Variants in MRC1 observed in about 807,000 individuals in gnomAD.
MRC1 encodes macrophage mannose receptor 1.
MRC1 carries 62 observed loss-of-function variants against 102.9 expected under a neutral mutation model. The observed-to-expected ratio is 0.60, with a 90% CI of 0.49 to 0.74. MRC1 has a LOEUF of 0.74. Ranked by LOEUF, MRC1 falls within the 30% of genes least tolerant of loss-of-function variation. The probability of loss-of-function intolerance (pLI) is 0.00; values close to 1 mark genes in which losing one functional copy is unlikely to be tolerated. For synonymous variants in MRC1, 457 were observed against 298.4 expected (o/e 1.53, Z -5.48); for missense variants, 1,237 against 862.8 (o/e 1.43, Z -5.43).
chr10:17,882,436 G>C (rs1281676865), intron 21 of MRC1, among the ~76,000 whole-genome samples: 4 of 152,076 alleles, frequency 2.6e-5, no homozygotes, highest in African/African-American at 9.7e-5. Flanking sequence ...CTCAACAGTT[G>C]TTTGTTGTAT....
At chr10:17,811,345 A>T (rs1838218260) in intron 1 of MRC1, among the ~76,000 whole-genome samples, 1 of 152,026 alleles carries the variant, frequency 6.6e-6, no homozygotes, top group South Asian at 2.1e-4. Flanking sequence ...TGACTCAATA[A>T]TGCTTTGAGC....
At chr10:17,857,236 CTTCAG>C (rs1833105706) in intron 9 of MRC1, among the ~76,000 whole-genome samples, 1 of 152,160 alleles carries the variant, frequency 6.6e-6, no homozygotes, top group East Asian at 1.9e-4. Flanking sequence ...ATTCTGGAAA[CTTCAG>C]TTCAGAGAAG....
In MRC1 at chr10:17,881,067, T is replaced by C; in HGVS notation, c.2866T>C (p.Cys956Arg). 2.6e-6 allele frequency: 2 copies of C among 780,684 alleles called. No homozygotes were observed. Among genetic ancestry groups the C allele is most frequent in the Non-Finnish European group, 4.8e-6 (2 of 417,934 alleles). The allele number at this position is 780,684 out of a possible 1,614,324, so 48.4% of individuals were successfully genotyped here. A position where few individuals can be genotyped will look rare whatever the true frequency, so the allele number is the denominator to read the frequency against. Reference protein sequence around the residue: ...KEGWNFYSNKCFKIFGFMEEE... With the variant: ...KEGWNFYSNKRFKIFGFMEEE... ...TTTCTCTGCCCCTCTTCCATCCCAG[T>C]GTTTCAAAATCTTTGGATTTATGGA... Residue 956 changes from cysteine to arginine, a missense_variant and splice_region_variant, in exon 21 of 30, where the codon TGT becomes CGT. Cys to Arg is a radical substitution (Grantham distance 180, BLOSUM62 -3). Coordinates refer to ENST00000569591, the MANE Select transcript of MRC1 (RefSeq NM_002438.4).
Position 17,910,283 on chromosome 10 carries a change from C to A in MRC1, c.4189C>A (p.Leu1397Ile). ...GGCCGGAGTAGTCATCATTGTGATC[C>A]TCCTGATTTTAACGGGTGCTGGCCT... ...NVAGVVIIVI[L>I]LILTGAGLAA... is the part of the protein sequence containing the mutation. Residue 1397 changes from leucine to isoleucine, a missense_variant, in exon 30 of 30, where the codon CTC becomes ATC. Physicochemically the swap from Leu to Ile is conservative, Grantham distance 5. Transcript: ENST00000569591. 1.3e-6 allele frequency: 1 copy of A among 780,836 alleles called. No individual in the cohort carries two copies. The highest frequency in any genetic ancestry group is 2.4e-5 in the East Asian group (1 of 41,254). 48.4% of individuals were successfully genotyped at this position (780,836 alleles called of 1,614,324 possible).
At chr10:17,835,114 C>T (rs1838643334) in intron 4 of MRC1, among the ~76,000 whole-genome samples, 1 of 152,180 alleles carries the variant, frequency 6.6e-6, no homozygotes, top group African/African-American at 2.4e-5. Flanking sequence ...GTCTTGGATT[C>T]CTTGTTTTTC....
chr10:17,811,368 C>T (rs1057192427), intron 1 of MRC1, among the ~76,000 whole-genome samples: 28 of 152,254 alleles, frequency 1.8e-4, no homozygotes, highest in Middle Eastern at 3.4e-3. Flanking sequence ...TAGTGTTTCT[C>T]GGTTTGCTCA....
chr10:17,815,892 T>C (rs1358022456), intron 1 of MRC1, among the ~76,000 whole-genome samples: 1 of 152,076 alleles, frequency 6.6e-6, no homozygotes, highest in African/African-American at 2.4e-5. Flanking sequence ...AGTGGCACGA[T>C]CTTGGCTCAC....
intron 4 of MRC1, among the ~76,000 whole-genome samples, chr10:17,834,333 A>T (rs1838628211): frequency 6.6e-6 from 1 of 152,132 alleles, no homozygotes; most frequent in African/African-American, 2.4e-5. Context: ...TCGAACCCCC[A>T]GGCTCTACCA....
intron 24 of MRC1, among the ~76,000 whole-genome samples, chr10:17,899,856 T>C (rs1053853344): frequency 3.9e-4 from 59 of 152,118 alleles, no homozygotes; most frequent in African/African-American, 1.3e-3. Context: ...CCCAGCAGTT[T>C]GGGAGGCTGA....
At chr10:17,840,667 T>A in intron 4 of MRC1, 26 bp from the exon 5 acceptor site, 1 of 779,584 alleles carries the variant, frequency 1.3e-6, no homozygotes, top group Non-Finnish European at 2.4e-6. Flanking sequence ...TCTTGTTTGT[T>A]TGTTTTGCTT....
At chr10:17,862,209 A>T (rs927720641) in intron 10 of MRC1, among the ~76,000 whole-genome samples, 4 of 150,776 alleles carry the variant, frequency 2.7e-5, no homozygotes, top group Non-Finnish European at 4.5e-5. Context: ...AATGTAAGGG[A>T]TACTGTTGAT....
chr10:17,825,259 G>T (rs1838456103), intron 2 of MRC1, among the ~76,000 whole-genome samples: 1 of 152,104 alleles, frequency 6.6e-6, no homozygotes, highest in African/African-American at 2.4e-5. Flanking sequence ...TTGAAAATAG[G>T]AATTATTTTA....
chr10:17,809,874 A>C (rs987087188), intron 1 of MRC1, among the ~76,000 whole-genome samples: 5 of 152,024 alleles, frequency 3.3e-5, no homozygotes, highest in Non-Finnish European at 7.4e-5. Flanking sequence ...TCTGGTTTTC[A>C]ATTCACACTA....
chr10:17,857,700 A>G (rs1364356418), intron 9 of MRC1, among the ~76,000 whole-genome samples: 3 of 152,342 alleles, frequency 2.0e-5, no homozygotes, highest in Admixed American at 1.3e-4. Flanking sequence ...GAAGACTAGG[A>G]AAGAAAAAAT....
intron 7 of MRC1, among the ~76,000 whole-genome samples, chr10:17,851,240 T>G (rs1331093028): frequency 6.6e-6 from 1 of 152,142 alleles, no homozygotes; most frequent in Non-Finnish European, 1.5e-5. Flanking sequence ...TGCTTTGAAA[T>G]TCAGCATGAG....
At chr10:17,907,759 G>C in intron 28 of MRC1, 61 bp downstream of exon 28, 2 of 777,096 alleles carry the variant, frequency 2.6e-6, no homozygotes, top group Admixed American at 3.4e-5. Context: ...CAAATAGTAA[G>C]ATATCAGGTA....
chr10:17,888,533 A>G (rs1045817111), intron 22 of MRC1, among the ~76,000 whole-genome samples: 1 of 152,178 alleles, frequency 6.6e-6, no homozygotes, highest in African/African-American at 2.4e-5. Context: ...TTAGTGTATT[A>G]TTATTGACTT....
intron 25 of MRC1, 33 bp downstream of exon 25, chr10:17,900,986 T>C (rs1833822060): frequency 1.3e-6 from 1 of 772,012 alleles, no homozygotes; most frequent in Non-Finnish European, 2.4e-6. Flanking sequence ...TCAGGGGATC[T>C]GAAAATTTCT....
chr10:17,889,772 C>G (rs1833648362), intron 22 of MRC1, among the ~76,000 whole-genome samples: 1 of 152,174 alleles, frequency 6.6e-6, no homozygotes, highest in African/African-American at 2.4e-5. Flanking sequence ...ACATTGCTGT[C>G]CACTTTTTAC....
Sources: allele counts gnomAD v4.1 joint callset (sites outside exome capture counted in the v4.1 genomes callset), GRCh38; gene constraint gnomAD v4.1.1; transcripts MANE v1.5; gene names NCBI Gene and HGNC (gene_info 2026-07-23, HGNC 2026-07-21).